The following PCDH15 variants were observed in gnomAD, a reference collection of about 807,000 sequenced individuals.
PCDH15 encodes the protein protocadherin related 15.
PCDH15 carries 129 observed loss-of-function variants against 178.5 expected under a neutral mutation model. The ratio of observed to expected loss-of-function variants is 0.72; its 90% CI spans 0.63 to 0.84. The LOEUF is 0.84. PCDH15 is among the 40% of genes least tolerant of loss of function. The pLI, the probability that PCDH15 is intolerant of heterozygous loss-of-function variation, is 0.00. For missense variants in PCDH15, 2,230 were observed against 2,099.9 expected (o/e 1.06, Z -1.21); for synonymous variants, 800 against 732.0 (o/e 1.09, Z -1.50).
chr10:55,548,210 GCACACACACACACACA>G (rs200097115), intron 2 of PCDH15, among the ~76,000 whole-genome samples: 47 of 121,290 alleles, frequency 3.9e-4, no homozygotes, highest in South Asian at 2.9e-3. Flanking sequence ...AATGCCTAAT[GCACACACACACACACA>G]CACACACACA....
intron 2 of PCDH15, among the ~76,000 whole-genome samples, chr10:55,376,667 G>A (rs1232133086): frequency 1.3e-5 from 2 of 151,846 alleles, no homozygotes; most frequent in African/African-American, 4.8e-5. Context: ...CTAAAATTTT[G>A]TATAGCTTCA....
At chr10:54,536,792 A>G (rs2084580972) in intron 2 of PCDH15, among the ~76,000 whole-genome samples, 1 of 152,136 alleles carries the variant, frequency 6.6e-6, no homozygotes, top group South Asian at 2.1e-4. Flanking sequence ...ATAACAGCCT[A>G]TAACTGCATC....
chr10:54,665,820 G>C (rs1265932409), intron 1 of PCDH15, among the ~76,000 whole-genome samples: 1 of 151,918 alleles, frequency 6.6e-6, no homozygotes, highest in Non-Finnish European at 1.5e-5. Flanking sequence ...ATAATTTCTA[G>C]GGACAGAAAG....
intron 2 of PCDH15, among the ~76,000 whole-genome samples, chr10:55,510,772 T>C (rs540721940): frequency 6.6e-6 from 1 of 151,204 alleles, no homozygotes; most frequent in African/African-American, 2.4e-5. Context: ...TTGATTATAC[T>C]TTTAGAAATA....
intron 2 of PCDH15, among the ~76,000 whole-genome samples, chr10:55,421,122 G>C (rs978632461): frequency 4.0e-5 from 6 of 151,386 alleles, no homozygotes; most frequent in African/African-American, 1.5e-4. Flanking sequence ...AACATATGAA[G>C]TCAAAATATA....
chr10:54,929,194 A>G (rs1564637513), intron 2 of PCDH15, among the ~76,000 whole-genome samples: 1 of 152,122 alleles, frequency 6.6e-6, no homozygotes, highest in Non-Finnish European at 1.5e-5. Context: ...TCATGGGACC[A>G]ATGTTCAGCT....
intron 1 of PCDH15, among the ~76,000 whole-genome samples, chr10:55,210,311 T>G (rs2680324): frequency 0.68 from 103,220 of 151,818 alleles, 35,352 homozygotes; most frequent in African/African-American, 0.77. Context: ...AGAAGTTAAG[T>G]CACTTATGAA....
intron 2 of PCDH15, among the ~76,000 whole-genome samples, chr10:55,127,393 G>A (rs1030094596): frequency 2.6e-5 from 4 of 151,956 alleles, no homozygotes; most frequent in Admixed American, 2.6e-4. Context: ...TGCCCTTATT[G>A]TAGTCATTCA....
chr10:53,823,492 A>G, intron 32 of PCDH15: 1 of 869,056 alleles, frequency 1.2e-6, no homozygotes, highest in Non-Finnish European at 2.0e-6. Flanking sequence ...TAACCTACTA[A>G]AGCAAGACAT....
intron 2 of PCDH15, among the ~76,000 whole-genome samples, chr10:55,413,289 TA>T (rs564828368): frequency 0.016 from 2,346 of 148,434 alleles, 51 homozygotes; most frequent in African/African-American, 0.045. Flanking sequence ...ATCCTGGCAA[TA>T]AAAAAAAAGG....
chr10:54,337,871 A>T (rs190976411), intron 6 of PCDH15, among the ~76,000 whole-genome samples: 1 of 152,236 alleles, frequency 6.6e-6, no homozygotes, highest in East Asian at 1.9e-4. Flanking sequence ...ATAGCTATAA[A>T]ACCCTAACCC....
chr10:54,447,271 T>C (rs993452703), intron 3 of PCDH15, among the ~76,000 whole-genome samples: 6 of 151,636 alleles, frequency 4.0e-5, no homozygotes, highest in Admixed American at 1.3e-4. Flanking sequence ...CCATTGGCAA[T>C]TTTCAAATAT....
chr10:53,834,188 C>T (rs762744003), intron 29 of PCDH15, among the ~76,000 whole-genome samples: 1 of 152,084 alleles, frequency 6.6e-6, no homozygotes, highest in African/African-American at 2.4e-5. Context: ...AGACTACCAC[C>T]GTGTAGGAAA....
At chr10:55,049,209 C>G (rs1252325936) in intron 2 of PCDH15, among the ~76,000 whole-genome samples, 2 of 151,864 alleles carry the variant, frequency 1.3e-5, no homozygotes, top group Non-Finnish European at 1.5e-5. Flanking sequence ...TTGTGAATTG[C>G]AAAATAAGTT....
chr10:55,045,153 T>A (rs994512747), intron 2 of PCDH15, among the ~76,000 whole-genome samples: 14 of 152,098 alleles, frequency 9.2e-5, no homozygotes, highest in Admixed American at 3.3e-4. Flanking sequence ...TTATTACTTG[T>A]ATATTTAATT....
chr10:55,328,880 A>T (rs1844107998), intron 2 of PCDH15, among the ~76,000 whole-genome samples: 1 of 144,606 alleles, frequency 6.9e-6, no homozygotes, highest in African/African-American at 2.5e-5. Context: ...AACCCCACAG[A>T]TTGTGAAAGA....
chr10:54,143,376 T>C (rs528122494), intron 14 of PCDH15, among the ~76,000 whole-genome samples: 17 of 152,308 alleles, frequency 1.1e-4, no homozygotes, highest in African/African-American at 4.1e-4. Flanking sequence ...TTAAGACTTT[T>C]GTCATCTACA....
intron 1 of PCDH15, among the ~76,000 whole-genome samples, chr10:54,758,315 T>A (rs1210161969): frequency 6.6e-6 from 1 of 152,176 alleles, no homozygotes; most frequent in Non-Finnish European, 1.5e-5. Flanking sequence ...TATTAATGTA[T>A]GGTAAAATAC....
intron 2 of PCDH15, among the ~76,000 whole-genome samples, chr10:55,358,843 C>T (rs1190493215): frequency 6.6e-6 from 1 of 151,964 alleles, no homozygotes; most frequent in Non-Finnish European, 1.5e-5. Flanking sequence ...TTCCAATTTA[C>T]TTTGTGTCAT....
Sources: allele counts gnomAD v4.1 joint callset (sites outside exome capture counted in the v4.1 genomes callset), GRCh38; gene constraint gnomAD v4.1.1; transcripts MANE v1.5; gene names NCBI Gene and HGNC (gene_info 2026-07-23, HGNC 2026-07-21).